Variants in MTUS2 observed in about 807,000 individuals in gnomAD.
The protein encoded by MTUS2 is microtubule associated scaffold protein 2, also known as microtubule-associated tumor suppressor candidate 2.
Under a neutral mutation model 114.1 loss-of-function variants are expected in MTUS2, and 40 were observed. The observed-to-expected ratio is 0.35, with a 90% CI of 0.27 to 0.46. The LOEUF is 0.46. MTUS2 is among the 20% of genes least tolerant of loss of function. The probability of loss-of-function intolerance (pLI) is 1.00; values close to 1 mark genes in which losing one functional copy is unlikely to be tolerated. For missense variants in MTUS2, 1,679 were observed against 1,705.4 expected (o/e 0.98, Z 0.27); for synonymous variants, 688 against 672.0 (o/e 1.02, Z -0.37).
At chr13:29,494,554 GGAGCCATGGA>G (rs1048219838) in intron 12 of MTUS2, among the ~76,000 whole-genome samples, 2 of 151,974 alleles carry the variant, frequency 1.3e-5, no homozygotes, top group Non-Finnish European at 2.9e-5. Context: ...GTTTGGTGTA[GGAGCCATGGA>G]GGGAGAGTCA....
At chr13:29,405,606 G>A (rs908171944) in intron 8 of MTUS2, among the ~76,000 whole-genome samples, 3 of 152,122 alleles carry the variant, frequency 2.0e-5, no homozygotes, top group South Asian at 2.1e-4. Flanking sequence ...CCCACTGCAC[G>A]TTTGCCATGG....
At position 29,100,839 on chromosome 13, in the gene MTUS2, C is replaced by A; in HGVS notation, c.2513C>A (p.Pro838His). Reference sequence around the variant, plus strand: ...AATCTCCCGAAATCTGGTCTCCGTCCTCCCGGATACTCACGTCTCCCGGCA... The same window carrying A: ...AATCTCCCGAAATCTGGTCTCCGTCATCCCGGATACTCACGTCTCCCGGCA... The part of the protein sequence containing the change: ...KSNLPKSGLR[P>H]PGYSRLPAAK... Residue 838 changes from proline to histidine, a missense_variant, in exon 5 of 16, where the codon CCT becomes CAT. Pro to His is a moderately conservative substitution (Grantham distance 77, BLOSUM62 -2). This residue lies in a region of MTUS2 where 822 missense variants were observed against 899.7 expected (regional missense o/e 0.91). Coordinates refer to ENST00000612955, the MANE Select transcript of MTUS2 (RefSeq NM_001033602.4). 1 of 1,552,008 alleles carries A rather than the reference C, an allele frequency of 6.4e-7. No homozygotes were observed. The highest frequency in any genetic ancestry group is 8.7e-7 in the Non-Finnish European group (1 of 1,147,162).
At chr13:28,822,874 A>G (rs368580812) in intron 1 of MTUS2, among the ~76,000 whole-genome samples, 1 of 152,246 alleles carries the variant, frequency 6.6e-6, no homozygotes, top group African/African-American at 2.4e-5. Context: ...AAATCTGTAC[A>G]ATATCATAGT....
At chr13:29,092,628 A>T (rs908629356) in intron 4 of MTUS2, among the ~76,000 whole-genome samples, 1 of 152,110 alleles carries the variant, frequency 6.6e-6, no homozygotes, top group African/African-American at 2.4e-5. Context: ...TAGGCTGAGC[A>T]TGGGATCCAG....
chr13:29,348,421 T>C (rs1469762151), intron 7 of MTUS2, among the ~76,000 whole-genome samples: 1 of 152,140 alleles, frequency 6.6e-6, no homozygotes, highest in African/African-American at 2.4e-5. Flanking sequence ...ATATTTCTTA[T>C]TATGTCGCAG....
chr13:29,025,447 A>T lies in MTUS2; in HGVS notation c.749A>T (p.Glu250Val). 1 of 1,613,032 alleles carries T rather than the reference A, an allele frequency of 6.2e-7. No homozygotes were observed. The highest frequency in any genetic ancestry group is 8.5e-7 in the Non-Finnish European group (1 of 1,179,564). ...CGTCATCCTAAACCATCTACCTCAG[A>T]AAGCAAGCAGAGCACTCCCTCAGAG... is the stretch of plus-strand genomic sequence containing the variant. The part of the protein sequence containing the change: ...SVRHPKPSTS[E>V]SKQSTPSETQ... The change falls in exon 3 of 16, where the codon GAA (glutamate) becomes GTA (valine). Residue 250 changes from glutamate to valine, a missense_variant. Transcript: ENST00000612955.
chr13:28,894,272 G>A (rs1456425726), intron 2 of MTUS2, among the ~76,000 whole-genome samples: 2 of 98,426 alleles, frequency 2.0e-5, no homozygotes, highest in Non-Finnish European at 3.9e-5. Flanking sequence ...AGAAGAAGGA[G>A]AGTTGGTGGG....
At chr13:29,389,399 A>ATATGTATACACGTGTGTGTG (rs1306792903) in intron 8 of MTUS2, among the ~76,000 whole-genome samples, 12 of 67,978 alleles carry the variant, frequency 1.8e-4, no homozygotes, top group African/African-American at 9.3e-4. Flanking sequence ...GTGTGTGTAT[A>ATATGTATACACGTGTGTGTG]TATGTATACA....
At chr13:28,904,663 A>T (rs1204002474) in intron 2 of MTUS2, among the ~76,000 whole-genome samples, 1 of 152,016 alleles carries the variant, frequency 6.6e-6, no homozygotes, top group Non-Finnish European at 1.5e-5. Flanking sequence ...GTAGCCTTGT[A>T]GTATAGTTTG....
At chr13:29,235,614 G>A (rs59859953) in intron 5 of MTUS2, among the ~76,000 whole-genome samples, 18 of 151,930 alleles carry the variant, frequency 1.2e-4, no homozygotes, top group Admixed American at 1.0e-3. Context: ...GAATTATCCC[G>A]ATTCAGATTT....
chr13:29,206,730 T>G (rs1403957150), intron 5 of MTUS2, among the ~76,000 whole-genome samples: 1 of 152,174 alleles, frequency 6.6e-6, no homozygotes, highest in East Asian at 1.9e-4. Flanking sequence ...GTAGTAGGCT[T>G]TATTTCTGGG....
intron 2 of MTUS2, among the ~76,000 whole-genome samples, chr13:28,917,662 T>C (rs1368669253): frequency 6.6e-6 from 1 of 151,838 alleles, no homozygotes; most frequent in Non-Finnish European, 1.5e-5. Context: ...ATTTATTCTT[T>C]CAAAAAACCA....
At chr13:29,110,130 A>G (rs369490716) in intron 5 of MTUS2, among the ~76,000 whole-genome samples, 1 of 152,254 alleles carries the variant, frequency 6.6e-6, no homozygotes, top group East Asian at 1.9e-4. Context: ...TTTAGTTAAT[A>G]TATTCACTTG....
intron 2 of MTUS2, among the ~76,000 whole-genome samples, chr13:29,011,761 TG>T (rs1885853533): frequency 6.6e-6 from 1 of 152,364 alleles, no homozygotes; most frequent in South Asian, 2.1e-4. Flanking sequence ...AGACGGGCCC[TG>T]GAACATGAAA....
chr13:29,268,650 C>G (rs1213595728), intron 5 of MTUS2, among the ~76,000 whole-genome samples: 2 of 152,154 alleles, frequency 1.3e-5, no homozygotes, highest in Non-Finnish European at 2.9e-5. Context: ...CAACATCTAC[C>G]CCACACTCTG....
At position 29,346,516 on chromosome 13, in the gene MTUS2, C is replaced by T. The variant is rs1330834770; in HGVS notation, c.2906-12746C>T. On this transcript the variant is annotated intron_variant, in intron 7 of 15. Transcript: ENST00000612955. ...TGGCAGTGACAGGCCTTACCCAATG[C>T]CCATACAGCCAGCAACGCCAGTCTC... Among the ~76,000 whole-genome samples, 3 of 150,020 alleles carry T rather than the reference C, an allele frequency of 2.0e-5. No individual in the cohort carries two copies. The East Asian group carries it at 6.0e-4, about 30-fold the overall frequency.
intron 4 of MTUS2, among the ~76,000 whole-genome samples, chr13:29,082,113 G>T (rs1197266184): frequency 2.0e-5 from 3 of 152,146 alleles, no homozygotes; most frequent in Non-Finnish European, 2.9e-5. Context: ...AAGCCCCCAT[G>T]GTGGGAGTAC....
intron 2 of MTUS2, among the ~76,000 whole-genome samples, chr13:28,852,238 T>A (rs760719418): frequency 5.3e-5 from 8 of 152,166 alleles, no homozygotes; most frequent in Non-Finnish European, 1.2e-4. Context: ...TTATTCTGAC[T>A]TATTTTCTTC....
intron 2 of MTUS2, among the ~76,000 whole-genome samples, chr13:28,845,408 A>C (rs1875804820): frequency 6.6e-6 from 1 of 152,254 alleles, no homozygotes; most frequent in Non-Finnish European, 1.5e-5. Flanking sequence ...TGTTTCTGGA[A>C]TGAATGAAGC....
Sources: gnomAD v4.1 joint callset for allele counts (sites outside exome capture counted in the v4.1 genomes callset) on GRCh38, gnomAD v4.1.1 for gene constraint, gnomAD v4.1.1 regional missense constraint, MANE v1.5 for transcripts, NCBI Gene and HGNC (gene_info 2026-07-23, HGNC 2026-07-21) for gene names.